Variants in CNTN5 observed in about 807,000 individuals in gnomAD.
The protein encoded by CNTN5 is contactin 5, also known as contactin-5.
CNTN5 carries 77 observed loss-of-function variants against 129.1 expected under a neutral mutation model. The ratio of observed to expected loss-of-function variants is 0.60; its 90% CI spans 0.50 to 0.72. The LOEUF (loss-of-function observed/expected upper bound fraction) is 0.72. Ranked by LOEUF, CNTN5 falls within the 30% of genes least tolerant of loss-of-function variation. CNTN5 has a pLI of 0.00. For synonymous variants in CNTN5, 509 were observed against 465.6 expected, an observed-to-expected ratio of 1.09 and a Z score of -1.20; for missense variants, 1,478 against 1,328.8, an observed-to-expected ratio of 1.11 and a Z score of -1.75.
intron 3 of CNTN5, among the ~76,000 whole-genome samples, chr11:99,632,384 A>AT (rs1951392520): frequency 1.3e-5 from 2 of 152,000 alleles, no homozygotes. Flanking sequence ...TAAACATGTC[A>AT]TTTTTCCCAT....
At chr11:99,759,704 GGAGGGAAAGAGAGAAGGA>G (rs1195045452) in intron 3 of CNTN5, among the ~76,000 whole-genome samples, 66 of 150,990 alleles carry the variant, frequency 4.4e-4, no homozygotes, top group South Asian at 8.4e-4. Flanking sequence ...AGGGAGGGAG[GGAGGGAAAGAGAGAAGGA>G]GAGGGAAAGA....
chr11:100,005,557 C>A (rs1031934463), intron 9 of CNTN5, among the ~76,000 whole-genome samples: 1 of 152,144 alleles, frequency 6.6e-6, no homozygotes, highest in African/African-American at 2.4e-5. Flanking sequence ...ATCTCTAGAA[C>A]TTATTTAATT....
chr11:99,153,278 A>G lies in CNTN5; in HGVS notation c.-210+132008A>G, dbSNP rs140938981. ...TTTCTTTCTTCTTTCAGTGAATTGT[A>G]GATTTGGTCTTTATACATTATCCCA... On this transcript the variant is annotated intron_variant, in intron 1 of 24. Coordinates refer to ENST00000524871, the MANE Select transcript of CNTN5 (RefSeq NM_014361.4). Among the ~76,000 whole-genome samples the G allele has an allele frequency of 2.6e-5, 4 of 152,256 alleles. No individual in the cohort carries two copies. In the East Asian group the frequency reaches 5.8e-4, roughly 22 times the overall value.
chr11:100,192,061 C>A (rs1948509759), intron 14 of CNTN5, among the ~76,000 whole-genome samples: 1 of 151,442 alleles, frequency 6.6e-6, no homozygotes, highest in Non-Finnish European at 1.5e-5. Flanking sequence ...ACTAAAATAC[C>A]AGTACTCTGA....
intron 4 of CNTN5, among the ~76,000 whole-genome samples, chr11:99,826,729 T>G (rs1946971718): frequency 6.6e-6 from 1 of 152,180 alleles, no homozygotes; most frequent in Admixed American, 6.5e-5. Context: ...ATGGCTGCAA[T>G]GAAATTATAA....
intron 3 of CNTN5, among the ~76,000 whole-genome samples, chr11:99,766,684 C>CA (rs1219874173): frequency 2.6e-5 from 4 of 151,982 alleles, no homozygotes; most frequent in African/African-American, 9.7e-5. Context: ...ATTTTTTCAT[C>CA]ATTTCCCTGT....
At chr11:99,126,358 A>G (rs990518853) in intron 1 of CNTN5, among the ~76,000 whole-genome samples, 4 of 152,160 alleles carry the variant, frequency 2.6e-5, no homozygotes, top group African/African-American at 9.7e-5. Context: ...AAGGAGCTCT[A>G]TTGAAATTAG....
intron 1 of CNTN5, among the ~76,000 whole-genome samples, chr11:99,137,505 C>G (rs573590878): frequency 4.1e-4 from 63 of 152,046 alleles, no homozygotes; most frequent in African/African-American, 1.3e-3. Flanking sequence ...AAAATTAGGC[C>G]AGAGTAAAAG....
intron 6 of CNTN5, among the ~76,000 whole-genome samples, chr11:99,912,092 G>A (rs1565669537): frequency 6.6e-6 from 1 of 151,602 alleles, no homozygotes; most frequent in Non-Finnish European, 1.5e-5. Context: ...ATACTTTGTG[G>A]AACAATACAG....
At chr11:99,492,101 T>C (rs1314392429) in intron 2 of CNTN5, among the ~76,000 whole-genome samples, 2 of 152,138 alleles carry the variant, frequency 1.3e-5, no homozygotes, top group Non-Finnish European at 2.9e-5. Flanking sequence ...AGGGGAGCCA[T>C]CTGTTGGGTT....
At chr11:100,195,397 A>T (rs1222502155) in intron 15 of CNTN5, among the ~76,000 whole-genome samples, 2 of 152,006 alleles carry the variant, frequency 1.3e-5, no homozygotes, top group Non-Finnish European at 2.9e-5. Flanking sequence ...GTTTAGGTTG[A>T]TGTCATTCAT....
intron 2 of CNTN5, among the ~76,000 whole-genome samples, chr11:99,396,028 T>G (rs1941504363): frequency 6.6e-6 from 1 of 151,920 alleles, no homozygotes; most frequent in South Asian, 2.1e-4. Flanking sequence ...ATATCTGGGC[T>G]CTTTTTTGGT....
At chr11:99,342,967 A>C (rs1410898569) in intron 2 of CNTN5, among the ~76,000 whole-genome samples, 1 of 152,178 alleles carries the variant, frequency 6.6e-6, no homozygotes, top group Non-Finnish European at 1.5e-5. Flanking sequence ...TATACAAAAC[A>C]AAAAACAAAA....
intron 1 of CNTN5, among the ~76,000 whole-genome samples, chr11:99,070,470 C>G (rs1184681884): frequency 6.6e-6 from 1 of 151,864 alleles, no homozygotes; most frequent in Non-Finnish European, 1.5e-5. Context: ...GCCCCTATAT[C>G]CAGGCAGAAT....
intron 3 of CNTN5, among the ~76,000 whole-genome samples, chr11:99,695,669 T>A (rs190015271): frequency 4.6e-5 from 7 of 152,044 alleles, no homozygotes; most frequent in Non-Finnish European, 1.0e-4. Flanking sequence ...GAGAGGAGGT[T>A]TGAGACCAAC....
chr11:99,188,147 T>C lies in CNTN5; in HGVS notation c.-209-137199T>C, dbSNP rs117693908. 5.4e-3 allele frequency among the ~76,000 whole-genome samples: 821 copies of C among 151,994 alleles called. 6 individuals carry two copies. The highest frequency in any genetic ancestry group is 0.023 in the South Asian group (110 of 4,826). ...TTTATAGGTGATTAGTTATATATCA[T>C]ACAGGCATATGACAGTATGTCCAAC... On this transcript the variant is annotated intron_variant, in intron 1 of 24. Transcript: ENST00000524871.
chr11:99,465,983 G>A (rs1277667827), intron 2 of CNTN5, among the ~76,000 whole-genome samples: 4 of 147,254 alleles, frequency 2.7e-5, no homozygotes, highest in Non-Finnish European at 4.5e-5. Flanking sequence ...CTGGGTTCAC[G>A]CCATTCTCCT....
intron 1 of CNTN5, among the ~76,000 whole-genome samples, chr11:99,099,843 T>G (rs1030482385): frequency 6.6e-6 from 1 of 152,204 alleles, no homozygotes; most frequent in Non-Finnish European, 1.5e-5. Flanking sequence ...CATTAGCTGT[T>G]ATCATTGCTG....
rs71305322 is a variant in CNTN5 at position 99,408,448 on chromosome 11, G to GAAAGAAAGAGAAGAAAGAA, written c.-71+82965_-71+82966insAAGAAAGAGAAGAAAGAAA. ...AAAGAAAAAGAAAGAAAGAAAGAAA[G>GAAAGAAAGAGAAGAAAGAA]AGAAAGAAAGAAAGAAAGAAAGAAA... On this transcript the variant is annotated intron_variant, in intron 2 of 24. Transcript: ENST00000524871. Among the ~76,000 whole-genome samples the GAAAGAAAGAGAAGAAAGAA allele has an allele frequency of 6.4e-5, 5 of 78,088 alleles. 1 individual carries two copies. Among genetic ancestry groups the GAAAGAAAGAGAAGAAAGAA allele is most frequent in the Non-Finnish European group, 9.8e-5 (4 of 40,722 alleles). 51.2% of individuals were successfully genotyped at this position (78,088 alleles called of 152,430 possible). A position where few individuals can be genotyped will look rare whatever the true frequency, so the allele number is the denominator to read the frequency against.
Sources: allele counts gnomAD v4.1 joint callset (sites outside exome capture counted in the v4.1 genomes callset), GRCh38; gene constraint gnomAD v4.1.1; transcripts MANE v1.5; gene names NCBI Gene and HGNC (gene_info 2026-07-23, HGNC 2026-07-21).